Variants in FHIT observed in about 807,000 individuals in gnomAD.
The protein encoded by FHIT is bis(5'-adenosyl)-triphosphatase.
A neutral mutation model predicts 17.9 loss-of-function variants in FHIT; 19 were observed. That is an observed-to-expected ratio of 1.06 (90% CI 0.74 to 1.56). The LOEUF is 1.56. FHIT is among the 40% of genes most tolerant of loss of function. FHIT has a pLI of 0.00. For missense variants in FHIT, 248 were observed against 189.2 expected, an observed-to-expected ratio of 1.31 and a Z score of -1.82; for synonymous variants, 81 against 69.7, an observed-to-expected ratio of 1.16 and a Z score of -0.81.
chr3:61,175,382 C>G (rs2038126990), intron 2 of FHIT, among the ~76,000 whole-genome samples: 1 of 152,122 alleles, frequency 6.6e-6, no homozygotes, highest in Admixed American at 6.5e-5. Flanking sequence ...GCCAGCTTGA[C>G]CACCTCCCCC....
chr3:60,866,138 T>C (rs1418465369), intron 3 of FHIT, among the ~76,000 whole-genome samples: 3 of 152,170 alleles, frequency 2.0e-5, no homozygotes, highest in Non-Finnish European at 4.4e-5. Context: ...CTTCTCTTTA[T>C]TTTCTCTGGA....
intron 7 of FHIT, among the ~76,000 whole-genome samples, chr3:59,990,251 T>G (rs1709166554): frequency 6.6e-6 from 1 of 152,030 alleles, no homozygotes; most frequent in African/African-American, 2.4e-5. Context: ...CTGTGTTTGC[T>G]CACAGGGCAC....
intron 5 of FHIT, among the ~76,000 whole-genome samples, chr3:60,171,899 A>G (rs1198835003): frequency 6.6e-6 from 1 of 151,898 alleles, no homozygotes; most frequent in African/African-American, 2.4e-5. Flanking sequence ...GGATCTCACT[A>G]TGTTGCCCAG....
At chr3:59,883,140 A>T (rs1417417278) in intron 8 of FHIT, among the ~76,000 whole-genome samples, 1 of 152,216 alleles carries the variant, frequency 6.6e-6, no homozygotes, top group Non-Finnish European at 1.5e-5. Flanking sequence ...CTGGTAGCTT[A>T]AAAAGCCATT....
intron 5 of FHIT, among the ~76,000 whole-genome samples, chr3:60,317,412 G>A (rs1253735283): frequency 1.3e-5 from 2 of 151,580 alleles, no homozygotes; most frequent in African/African-American, 4.8e-5. Context: ...TTCCTCTGAT[G>A]CTCATCACAT....
chr3:59,823,938 C>A (rs1575552558), intron 8 of FHIT, among the ~76,000 whole-genome samples: 1 of 152,102 alleles, frequency 6.6e-6, no homozygotes, highest in African/African-American at 2.4e-5. Context: ...TGATCATATA[C>A]CTAGGAAACC....
intron 8 of FHIT, among the ~76,000 whole-genome samples, chr3:59,772,260 C>G (rs1702107657): frequency 6.6e-6 from 1 of 152,218 alleles, no homozygotes; most frequent in South Asian, 2.1e-4. Flanking sequence ...ATCACTCCCT[C>G]TGGGTCATGT....
chr3:60,514,492 G>A (rs1340948078), intron 5 of FHIT, among the ~76,000 whole-genome samples: 30 of 152,296 alleles, frequency 2.0e-4, no homozygotes, highest in African/African-American at 4.3e-4. Flanking sequence ...GGGGCCTGTC[G>A]AGGAGGTGGG....
At chr3:59,855,076 T>C (rs996872497) in intron 8 of FHIT, among the ~76,000 whole-genome samples, 6 of 152,234 alleles carry the variant, frequency 3.9e-5, no homozygotes, top group African/African-American at 1.4e-4. Flanking sequence ...ACTCAGTACT[T>C]GGATCTATCA....
chr3:60,198,852 T>A (rs370465697), intron 5 of FHIT, among the ~76,000 whole-genome samples: 20 of 152,288 alleles, frequency 1.3e-4, no homozygotes, highest in Admixed American at 2.6e-4. Flanking sequence ...TAACGAATTG[T>A]CTCACAAGGA....
intron 3 of FHIT, among the ~76,000 whole-genome samples, chr3:61,024,800 T>C (rs2032646557): frequency 6.6e-6 from 1 of 152,146 alleles, no homozygotes; most frequent in Non-Finnish European, 1.5e-5. Context: ...AAATAAAATA[T>C]GCTAAACATT....
Position 61,249,977 on chromosome 3 carries a change from CACACACACACACAA to C in FHIT, c.-213+1310_-213+1323del, listed in dbSNP as rs1460791479. Among the ~76,000 whole-genome samples the C allele has an allele frequency of 2.6e-3, 354 of 138,592 alleles. 3 individuals carry two copies. The highest frequency in any genetic ancestry group is 9.5e-3 in the African/African-American group (339 of 35,566). The allele number at this position is 138,592 out of a possible 152,430, so 90.9% of individuals were successfully genotyped here. ...ACACACACACACACACACACACACA[CACACACACACACAA>C]ACCCTAGACTTCTTTCTTTACTAAA... On this transcript the variant is annotated intron_variant, in intron 1 of 9. Coordinates refer to ENST00000492590, the MANE Select transcript of FHIT (RefSeq NM_002012.4).
At chr3:60,569,732 T>TATATATATATATATATATATATATAC (rs2037289343) in intron 4 of FHIT, among the ~76,000 whole-genome samples, 1 of 31,750 alleles carries the variant, frequency 3.1e-5, no homozygotes, top group African/African-American at 1.5e-4. Flanking sequence ...ATACTATATA[T>TATATATATATATATATATATATATAC]ATATATATAT....
intron 7 of FHIT, among the ~76,000 whole-genome samples, chr3:59,944,213 C>T (rs1408439720): frequency 1.3e-5 from 2 of 152,092 alleles, no homozygotes; most frequent in Non-Finnish European, 2.9e-5. Context: ...TATAACATAC[C>T]TATAGTACAA....
chr3:60,900,096 T>C (rs917838493), intron 3 of FHIT, among the ~76,000 whole-genome samples: 1 of 152,192 alleles, frequency 6.6e-6, no homozygotes, highest in African/African-American at 2.4e-5. Flanking sequence ...AGCAGGCTAC[T>C]GGTACAAATA....
intron 3 of FHIT, among the ~76,000 whole-genome samples, chr3:60,942,657 G>A (rs1553774844): frequency 6.6e-6 from 1 of 151,124 alleles, no homozygotes; most frequent in Non-Finnish European, 1.5e-5. Context: ...ATCATTTTTT[G>A]CTCGGTTGAT....
chr3:61,184,936 T>C (rs1576169409), intron 2 of FHIT, among the ~76,000 whole-genome samples: 1 of 152,212 alleles, frequency 6.6e-6, no homozygotes, highest in East Asian at 1.9e-4. Flanking sequence ...CACATTTCCC[T>C]ACTGACACAG....
chr3:59,853,045 A>G (rs1702004724), intron 8 of FHIT, among the ~76,000 whole-genome samples: 1 of 152,204 alleles, frequency 6.6e-6, no homozygotes, highest in Non-Finnish European at 1.5e-5. Context: ...ATATCAAGGA[A>G]TACAACTGCT....
intron 5 of FHIT, among the ~76,000 whole-genome samples, chr3:60,362,340 C>T (rs1699940328): frequency 2.0e-5 from 3 of 152,122 alleles, no homozygotes; most frequent in Admixed American, 6.5e-5. Flanking sequence ...TATTGAGATA[C>T]AATACTTAGA....
Sources: gnomAD v4.1 joint callset for allele counts (sites outside exome capture counted in the v4.1 genomes callset) on GRCh38, gnomAD v4.1.1 for gene constraint, MANE v1.5 for transcripts, NCBI Gene and HGNC (gene_info 2026-07-23, HGNC 2026-07-21) for gene names.